Variants in SPON1 observed in about 807,000 individuals in gnomAD.
The protein encoded by SPON1 is spondin 1, also known as spondin-1.
Under a neutral mutation model 111.7 loss-of-function variants are expected in SPON1, and 52 were observed. That is an observed-to-expected ratio of 0.47 (90% confidence interval 0.37 to 0.59). The LOEUF (loss-of-function observed/expected upper bound fraction) is 0.59, where lower values mean the gene tolerates loss of function less well. Among genes scored for constraint, SPON1 ranks in the 20% least tolerant of loss-of-function variants. SPON1 has a pLI of 0.00. For synonymous variants in SPON1, 410 were observed against 395.8 expected, an observed-to-expected ratio of 1.04 and a Z score of -0.43; for missense variants, 957 against 1,068.5, an observed-to-expected ratio of 0.90 and a Z score of 1.46.
At position 14,135,448 on chromosome 11, in the gene SPON1, C is replaced by G. The variant is rs201227906; in HGVS notation, c.705C>G (p.Ile235Met). 16 of 1,613,166 alleles carry G rather than the reference C, an allele frequency of 9.9e-6. No individual in the cohort carries two copies. Among genetic ancestry groups the G allele is most frequent in the Non-Finnish European group, 1.3e-5 (15 of 1,179,268 alleles). The change falls in exon 6 of 16, where the codon ATC (isoleucine) becomes ATG (methionine). Residue 235 changes from isoleucine (I) to methionine (M), a missense_variant. Physicochemically the swap from Ile to Met is conservative, Grantham distance 10. Coordinates refer to ENST00000576479, the MANE Select transcript of SPON1 (RefSeq NM_006108.4). The surrounding 1 kb of genome is among the most constrained non-coding windows in gnomAD (Gnocchi z 4.4). ...PRRANHWSAI[I>M]GGSHSKNYVL... ...GGGCCAACCACTGGTCTGCGATCAT[C>G]GGAGGATCCCACTCCAAGAATTATG...
At chr11:14,245,112 A>G (rs1405561234) in intron 7 of SPON1, among the ~76,000 whole-genome samples, 1 of 152,180 alleles carries the variant, frequency 6.6e-6, no homozygotes, top group African/African-American at 2.4e-5. Context: ...GATGCTGCTC[A>G]GTGGGAGAAA....
chr11:14,015,158 A>G (rs782127509), intron 2 of SPON1, among the ~76,000 whole-genome samples: 5 of 152,234 alleles, frequency 3.3e-5, no homozygotes, highest in Non-Finnish European at 7.3e-5. Flanking sequence ...GACCAGTGTC[A>G]TAGTCCATTC....
chr11:14,169,360 G>C (rs1177165067), intron 6 of SPON1, among the ~76,000 whole-genome samples: 3 of 150,234 alleles, frequency 2.0e-5, no homozygotes, highest in Admixed American at 6.6e-5. Context: ...TTTTTTTCTT[G>C]TAAATTTGTT....
intron 6 of SPON1, among the ~76,000 whole-genome samples, chr11:14,184,422 C>T (rs1848264946): frequency 6.6e-6 from 1 of 152,148 alleles, no homozygotes; most frequent in African/African-American, 2.4e-5. Context: ...GGATTAATGA[C>T]TCATAACAGT....
chr11:14,193,625 C>T (rs1554934787), intron 6 of SPON1, among the ~76,000 whole-genome samples: 1 of 152,090 alleles, frequency 6.6e-6, no homozygotes, highest in Non-Finnish European at 1.5e-5. Flanking sequence ...CTTTAGTGTC[C>T]AGTCTTCTGA....
chr11:13,968,677 G>A (rs1437687261), intron 1 of SPON1, among the ~76,000 whole-genome samples: 9 of 152,092 alleles, frequency 5.9e-5, no homozygotes, highest in East Asian at 5.8e-4. Context: ...CCTCAGCACC[G>A]TTACAGCCGA....
At chr11:14,105,935 T>C (rs970985465) in intron 5 of SPON1, among the ~76,000 whole-genome samples, 5 of 152,184 alleles carry the variant, frequency 3.3e-5, no homozygotes, top group Non-Finnish European at 7.4e-5. Flanking sequence ...AAAGTCCCAT[T>C]ACCACTGAGA....
At chr11:14,207,503 A>G (rs1554936301) in intron 6 of SPON1, among the ~76,000 whole-genome samples, 3 of 152,222 alleles carry the variant, frequency 2.0e-5, no homozygotes, top group South Asian at 2.1e-4. Flanking sequence ...AGGAACTTAA[A>G]CAAATTTACA....
At chr11:13,985,499 A>G (rs1360660448) in intron 2 of SPON1, among the ~76,000 whole-genome samples, 1 of 152,176 alleles carries the variant, frequency 6.6e-6, no homozygotes, top group Non-Finnish European at 1.5e-5. Context: ...GCCCAGCTCT[A>G]AGTGATAAAG....
rs561738430 is a variant in SPON1 at position 14,056,595 on chromosome 11, C to T, written c.479+14941C>T. 1.2e-4 allele frequency among the ~76,000 whole-genome samples: 19 copies of T among 152,258 alleles called. No individual in the cohort carries two copies. In the East Asian group the frequency reaches 3.3e-3, roughly 26 times the overall value. ...AAAAATCAAGACCAGGGAAAATCAA[C>T]ATTAAAATATAACATCGGCTGGGCA... is the stretch of plus-strand genomic sequence containing the variant. On this transcript the variant is annotated intron_variant, in intron 3 of 15. Transcript: ENST00000576479.
intron 2 of SPON1, among the ~76,000 whole-genome samples, chr11:13,989,024 C>G (rs576281119): frequency 1.5e-4 from 23 of 152,146 alleles, no homozygotes; most frequent in African/African-American, 4.8e-4. Flanking sequence ...TTTGTTCTGT[C>G]TCTGTGAGGT....
At chr11:13,985,309 A>G (rs1394202567) in intron 2 of SPON1, among the ~76,000 whole-genome samples, 2 of 152,264 alleles carry the variant, frequency 1.3e-5, no homozygotes, top group African/African-American at 4.8e-5. Context: ...AATGCCTAGC[A>G]TATGATAACG....
intron 7 of SPON1, among the ~76,000 whole-genome samples, chr11:14,248,101 G>A (rs1458526762): frequency 6.6e-6 from 1 of 152,122 alleles, no homozygotes; most frequent in Non-Finnish European, 1.5e-5. Context: ...GTTTGAGGCG[G>A]GTGGTTGGCT....
At chr11:13,979,518 C>T (rs1481468023) in intron 1 of SPON1, among the ~76,000 whole-genome samples, 1 of 152,172 alleles carries the variant, frequency 6.6e-6, no homozygotes, top group African/African-American at 2.4e-5. Context: ...GTAGGGGAAG[C>T]AGGACAGCAA....
intron 5 of SPON1, among the ~76,000 whole-genome samples, chr11:14,129,833 A>C (rs1554927373): frequency 6.6e-6 from 1 of 152,220 alleles, no homozygotes; most frequent in African/African-American, 2.4e-5. Flanking sequence ...CAATCATGGC[A>C]GAAGGTGAAG....
intron 2 of SPON1, among the ~76,000 whole-genome samples, chr11:14,000,275 G>T (rs1350064389): frequency 6.6e-6 from 1 of 151,976 alleles, no homozygotes; most frequent in Non-Finnish European, 1.5e-5. Flanking sequence ...ACTTCTTTCC[G>T]GTTTCTGCTC....
chr11:14,236,021 A>G (rs1376332356), intron 6 of SPON1, among the ~76,000 whole-genome samples: 5 of 152,200 alleles, frequency 3.3e-5, no homozygotes, highest in African/African-American at 1.2e-4. Flanking sequence ...GAGGCTCAGG[A>G]GGACAGGCAG....
chr11:14,023,406 A>G (rs1848494598), intron 2 of SPON1, among the ~76,000 whole-genome samples: 2 of 152,078 alleles, frequency 1.3e-5, no homozygotes, highest in South Asian at 4.1e-4. Context: ...ACAGGCAGTC[A>G]AAGGTGAGGC....
At chr11:14,153,318 G>A (rs1425984665) in intron 6 of SPON1, among the ~76,000 whole-genome samples, 1 of 152,134 alleles carries the variant, frequency 6.6e-6, no homozygotes, top group Admixed American at 6.6e-5. Context: ...AAGAAAATAG[G>A]TTTAATTGGC....
Sources: gnomAD v4.1 joint callset for allele counts (sites outside exome capture counted in the v4.1 genomes callset) on GRCh38, gnomAD v4.1.1 for gene constraint, Gnocchi (gnomAD v3.1) non-coding constraint, MANE v1.5 for transcripts, NCBI Gene and HGNC (gene_info 2026-07-23, HGNC 2026-07-21) for gene names.